The following EIF3J variants were observed in gnomAD, a reference collection of about 807,000 sequenced individuals.
EIF3J encodes the protein eukaryotic translation initiation factor 3, subunit 1 (alpha, 35kD).
EIF3J carries 15 observed loss-of-function variants against 39.0 expected under a neutral mutation model. The observed-to-expected ratio is 0.38, with a 90% CI of 0.26 to 0.59. EIF3J has a LOEUF of 0.59. Ranked by LOEUF, EIF3J falls within the 20% of genes least tolerant of loss-of-function variation. The pLI, the probability that EIF3J is intolerant of heterozygous loss-of-function variation, is 0.60. For missense variants in EIF3J, 226 were observed against 308.6 expected (o/e 0.73, Z 2.00); for synonymous variants, 98 against 112.9 (o/e 0.87, Z 0.84).
chr15:44,550,460 T>C (rs1035307667), intron 2 of EIF3J, among the ~76,000 whole-genome samples: 1 of 152,064 alleles, frequency 6.6e-6, no homozygotes, highest in African/African-American at 2.4e-5. Flanking sequence ...CCCAGTTAAT[T>C]TTTTAATTTT....
At chr15:44,558,955 C>G (rs1167571131) in intron 6 of EIF3J, 1 of 152,030 alleles carries the variant, frequency 6.6e-6, no homozygotes, top group Non-Finnish European at 1.5e-5. Flanking sequence ...TGTCTCTTTC[C>G]AGCTTCATAT....
intron 2 of EIF3J, chr15:44,550,623 C>G: frequency 3.3e-6 from 1 of 304,420 alleles, no homozygotes; most frequent in Non-Finnish European, 6.1e-6. Flanking sequence ...CGCAGAGCCT[C>G]TAATAGGGAA....
In EIF3J at chr15:44,561,448, G is replaced by T. The variant is rs1263035366; in HGVS notation, c.*299G>T. 9 of 235,788 alleles carry T rather than the reference G, an allele frequency of 3.8e-5. No individual in the cohort carries two copies. The highest frequency in any genetic ancestry group is 7.6e-5 in the Non-Finnish European group (9 of 118,010). 14.6% of individuals were successfully genotyped at this position (235,788 alleles called of 1,614,324 possible). ...AGCAGTCACTAAATTGGAAACAAAA[G>T]GTTGCAACGTGACAAAAAAAATTGT... On this transcript the variant is annotated 3_prime_UTR_variant, in exon 8 of 8. Transcript: ENST00000261868.
At chr15:44,542,173 C>T (rs2082019325) in intron 2 of EIF3J, among the ~76,000 whole-genome samples, 1 of 152,078 alleles carries the variant, frequency 6.6e-6, no homozygotes, top group South Asian at 2.1e-4. Flanking sequence ...AAGGCAGGCA[C>T]CTTGGCTTCT....
chr15:44,544,180 G>A (rs2082034540), intron 2 of EIF3J, among the ~76,000 whole-genome samples: 1 of 146,392 alleles, frequency 6.8e-6, no homozygotes, highest in Non-Finnish European at 1.5e-5. Flanking sequence ...TGCAACCTCT[G>A]CCTCCCGGGT....
chr15:44,553,335 T>C (rs1159229288), intron 4 of EIF3J, among the ~76,000 whole-genome samples: 1 of 150,974 alleles, frequency 6.6e-6, no homozygotes, highest in African/African-American at 2.4e-5. Context: ...TACTAAAAAA[T>C]AGAAAAATTA....
At chr15:44,548,021 A>G (rs1007737300) in intron 2 of EIF3J, among the ~76,000 whole-genome samples, 9 of 152,196 alleles carry the variant, frequency 5.9e-5, no homozygotes, top group African/African-American at 2.2e-4. Flanking sequence ...ATGAGGGTTC[A>G]TATGGAAAAA....
intron 2 of EIF3J, 50 bp from the exon 3 acceptor site, chr15:44,550,826 C>T (rs1255550796): frequency 2.3e-6 from 3 of 1,318,134 alleles, no homozygotes; most frequent in African/African-American, 2.9e-5. Context: ...ATAAAGTTCA[C>T]ATAGAAAAGC....
At chr15:44,557,678 T>A in intron 6 of EIF3J, 28 bp downstream of exon 6, 2 of 1,403,386 alleles carry the variant, frequency 1.4e-6, no homozygotes, top group Non-Finnish European at 1.9e-6. Flanking sequence ...CTAGCCCCTC[T>A]GGGTAGATTT....
intron 2 of EIF3J, among the ~76,000 whole-genome samples, chr15:44,543,489 C>T (rs1031031260): frequency 2.0e-5 from 3 of 150,714 alleles, no homozygotes; most frequent in African/African-American, 7.4e-5. Context: ...TCTCGGCTTA[C>T]TGCAACCTCC....
rs756700300 is a variant in EIF3J, at chr15:44,537,340, C to T, written c.60C>T (p.Ser20=). 2 of 1,565,628 alleles carry T rather than the reference C, an allele frequency of 1.3e-6. No homozygotes were observed. Among genetic ancestry groups the T allele is most frequent in the Non-Finnish European group, 1.7e-6 (2 of 1,155,194 alleles). ...CTTCCGTAGACGCCGACGCTTTCTCCGTGGAAGACCCAGTGCGGAAGGTGG... is the reference window on the plus strand; with the variant it reads ...CTTCCGTAGACGCCGACGCTTTCTCTGTGGAAGACCCAGTGCGGAAGGTGG... ...DSDSWDADAF[S]VEDPVRKVGG... The change falls in exon 2 of 8, where the codon TCC becomes TCT. Residue 20 remains serine (S), a synonymous_variant. Transcript: ENST00000261868.
intron 2 of EIF3J, chr15:44,550,623 C>T: frequency 3.3e-6 from 1 of 304,420 alleles, no homozygotes; most frequent in Non-Finnish European, 6.1e-6. Flanking sequence ...CGCAGAGCCT[C>T]TAATAGGGAA....
At chr15:44,549,787 A>C (rs901249419) in intron 2 of EIF3J, among the ~76,000 whole-genome samples, 34 of 150,338 alleles carry the variant, frequency 2.3e-4, no homozygotes, top group South Asian at 2.1e-4. Flanking sequence ...AAAAAAAAAA[A>C]AAACCATTTC....
intron 2 of EIF3J, among the ~76,000 whole-genome samples, chr15:44,546,492 T>TA (rs1388623723): frequency 6.6e-6 from 1 of 152,210 alleles, no homozygotes; most frequent in Admixed American, 6.5e-5. Flanking sequence ...TCTGTCGTGT[T>TA]ATGAAACCAG....
chr15:44,540,669 G>T (rs2082007702), intron 2 of EIF3J, among the ~76,000 whole-genome samples: 2 of 152,172 alleles, frequency 1.3e-5, no homozygotes, highest in Admixed American at 1.3e-4. Context: ...TCGAACTCTT[G>T]GAGTCAAGTG....
At chr15:44,537,835 G>A (rs865942592) in intron 2 of EIF3J, among the ~76,000 whole-genome samples, 2 of 152,190 alleles carry the variant, frequency 1.3e-5, no homozygotes, top group Non-Finnish European at 2.9e-5. Flanking sequence ...GTCAGCCCAG[G>A]GCCAGTAACT....
chr15:44,538,988 A>G (rs2081985002), intron 2 of EIF3J, among the ~76,000 whole-genome samples: 2 of 152,186 alleles, frequency 1.3e-5, no homozygotes. Flanking sequence ...CCTTGGGATT[A>G]AGGGATCTAA....
In EIF3J at chr15:44,537,164, C is replaced by T; in HGVS notation, c.-31C>T. On this transcript the variant is annotated 5_prime_UTR_variant, in exon 1 of 8. Coordinates refer to ENST00000261868, the MANE Select transcript of EIF3J (RefSeq NM_003758.4). ...GCCGTGCTAACTCCTCGCTAGCTCT[C>T]CCTCTCACACACGCTCACACCCGGC... The T allele has an allele frequency of 1.2e-6, 2 of 1,613,172 alleles. No individual in the cohort carries two copies. The highest frequency in any genetic ancestry group is 2.2e-5 in the South Asian group (2 of 91,050).
intron 2 of EIF3J, among the ~76,000 whole-genome samples, chr15:44,549,038 A>T (rs551488875): frequency 4.1e-5 from 6 of 147,722 alleles, no homozygotes; most frequent in African/African-American, 9.9e-5. Context: ...AGATCTAAAT[A>T]AAAAAAAAAA....
Sources: gnomAD v4.1 joint callset for allele counts (sites outside exome capture counted in the v4.1 genomes callset) on GRCh38, gnomAD v4.1.1 for gene constraint, MANE v1.5 for transcripts, NCBI Gene and HGNC (gene_info 2026-07-23, HGNC 2026-07-21) for gene names.